The following PHACTR1 variants were observed in gnomAD, a reference collection of about 807,000 sequenced individuals.
The protein encoded by PHACTR1 is phosphatase and actin regulator 1.
Under a neutral mutation model 69.2 loss-of-function variants are expected in PHACTR1, and 16 were observed. That is an observed-to-expected ratio of 0.23 (90% confidence interval 0.16 to 0.35). PHACTR1 has a LOEUF of 0.35. Ranked by LOEUF, PHACTR1 falls within the 10% of genes least tolerant of loss-of-function variation. The pLI, the probability that PHACTR1 is intolerant of heterozygous loss-of-function variation, is 1.00. For synonymous variants in PHACTR1, 312 were observed against 284.5 expected (o/e 1.10, Z -0.97); for missense variants, 510 against 734.7 (o/e 0.69, Z 3.54).
At chr6:13,228,885 A>G (rs1770282454) in intron 9 of PHACTR1, among the ~76,000 whole-genome samples, 1 of 152,208 alleles carries the variant, frequency 6.6e-6, no homozygotes, top group South Asian at 2.1e-4. Context: ...TTCTAAAACT[A>G]GTGGAGGAAG....
chr6:12,967,650 C>G (rs997292621), intron 4 of PHACTR1, among the ~76,000 whole-genome samples: 5 of 152,104 alleles, frequency 3.3e-5, no homozygotes, highest in African/African-American at 1.2e-4. Flanking sequence ...ACAAAGAAAC[C>G]TAAGAAATCT....
At chr6:13,206,244 C>A in intron 8 of PHACTR1, 108 bp downstream of exon 8, 8 of 1,144,982 alleles carry the variant, frequency 7.0e-6, no homozygotes, top group Admixed American at 3.0e-5. Context: ...GTCATCCCCA[C>A]TGGGGGAAAA....
At chr6:13,124,633 A>G (rs1202166141) in intron 5 of PHACTR1, among the ~76,000 whole-genome samples, 3 of 152,234 alleles carry the variant, frequency 2.0e-5, no homozygotes, top group Non-Finnish European at 1.5e-5. Context: ...TTGCGCTGCC[A>G]TAACAAAATA....
At chr6:13,034,049 G>T (rs764594596) in intron 4 of PHACTR1, among the ~76,000 whole-genome samples, 1 of 150,484 alleles carries the variant, frequency 6.6e-6, no homozygotes, top group African/African-American at 2.4e-5. Context: ...ACGGAATCTC[G>T]CTGTCGCCCA....
intron 11 of PHACTR1, chr6:13,273,905 C>CCCCCCCCCCCCCCCCCCCCCCCCCCCCCA (rs1778306173): frequency 7.6e-6 from 1 of 131,994 alleles, no homozygotes; most frequent in Non-Finnish European, 1.6e-5. Flanking sequence ...TCCCCCGGCC[C>CCCCCCCCCCCCCCCCCCCCCCCCCCCCCA]CCCCGCCCCG....
intron 6 of PHACTR1, among the ~76,000 whole-genome samples, chr6:13,164,874 C>T (rs1759562354): frequency 6.6e-6 from 1 of 151,924 alleles, no homozygotes; most frequent in African/African-American, 2.4e-5. Context: ...AAAGTAATCT[C>T]AAATGTCGAC....
chr6:13,276,183 A>G (rs1512414), intron 11 of PHACTR1: 97,802 of 151,268 alleles, frequency 0.65, 33,397 homozygotes, highest in Non-Finnish European at 0.78. Context: ...AGGAAAGCAC[A>G]CTCATGGTGA....
chr6:13,240,658 G>T (rs557019915), intron 10 of PHACTR1, among the ~76,000 whole-genome samples: 47 of 152,144 alleles, frequency 3.1e-4, no homozygotes, highest in Admixed American at 3.0e-3. Context: ...TGTTGGTTGG[G>T]CTGGTCTCAA....
chr6:13,286,861 AG>A (rs1192838954), intron 14 of PHACTR1, among the ~76,000 whole-genome samples: 1 of 152,246 alleles, frequency 6.6e-6, no homozygotes, highest in Admixed American at 6.5e-5. Context: ...GGCTGATGGC[AG>A]GAGGTGGAGG....
chr6:12,974,627 A>T (rs749877621), intron 4 of PHACTR1, among the ~76,000 whole-genome samples: 3 of 152,196 alleles, frequency 2.0e-5, no homozygotes, highest in Non-Finnish European at 1.5e-5. Flanking sequence ...TGAAAACTCA[A>T]TTGGGTGACA....
intron 4 of PHACTR1, among the ~76,000 whole-genome samples, chr6:12,796,406 A>C (rs1773009494): frequency 6.6e-6 from 1 of 152,240 alleles, no homozygotes; most frequent in Admixed American, 6.5e-5. Context: ...CTGAACCAGC[A>C]GCAGTATTTA....
At chr6:12,953,272 G>A (rs187776328) in intron 4 of PHACTR1, among the ~76,000 whole-genome samples, 15 of 152,262 alleles carry the variant, frequency 9.9e-5, no homozygotes, top group Admixed American at 4.6e-4. Context: ...GCAGTGAGCC[G>A]AGATCGCGGC....
chr6:12,879,505 G>A (rs900404262), intron 4 of PHACTR1, among the ~76,000 whole-genome samples: 8 of 152,122 alleles, frequency 5.3e-5, no homozygotes, highest in Admixed American at 1.3e-4. Flanking sequence ...GAAGTAGCAG[G>A]TCTTGTCTTC....
chr6:13,199,050 G>A (rs1764825468), intron 7 of PHACTR1, among the ~76,000 whole-genome samples: 1 of 152,086 alleles, frequency 6.6e-6, no homozygotes, highest in Non-Finnish European at 1.5e-5. Context: ...CCGGGAATCT[G>A]CCTCTCCCAA....
At chr6:13,012,516 G>T (rs1285238207) in intron 4 of PHACTR1, among the ~76,000 whole-genome samples, 1 of 152,152 alleles carries the variant, frequency 6.6e-6, no homozygotes, top group African/African-American at 2.4e-5. Flanking sequence ...AATGCAGTAG[G>T]GTGGAAAGAA....
chr6:13,075,891 C>A (rs1364728031), intron 5 of PHACTR1, among the ~76,000 whole-genome samples: 1 of 152,068 alleles, frequency 6.6e-6, no homozygotes, highest in Non-Finnish European at 1.5e-5. Context: ...CAAGCTAGAT[C>A]CAAGTCCAGG....
At chr6:12,769,343 T>C (rs1266116657) in intron 4 of PHACTR1, among the ~76,000 whole-genome samples, 1 of 152,224 alleles carries the variant, frequency 6.6e-6, no homozygotes, top group Non-Finnish European at 1.5e-5. Context: ...TTATTATGTG[T>C]CAAGTATAAA....
chr6:13,002,433 C>T (rs1196749719), intron 4 of PHACTR1, among the ~76,000 whole-genome samples: 1 of 151,990 alleles, frequency 6.6e-6, no homozygotes, highest in African/African-American at 2.4e-5. Flanking sequence ...GTTAACAAAA[C>T]GTAGGAAAAA....
chr6:13,018,909 C>T (rs1223775614), intron 4 of PHACTR1, among the ~76,000 whole-genome samples: 3 of 152,038 alleles, frequency 2.0e-5, no homozygotes, highest in Admixed American at 2.0e-4. Flanking sequence ...GATAGGGTCT[C>T]ACTCTGTTGC....
Sources: allele counts gnomAD v4.1 joint callset (sites outside exome capture counted in the v4.1 genomes callset), GRCh38; gene constraint gnomAD v4.1.1; transcripts MANE v1.5; gene names NCBI Gene and HGNC (gene_info 2026-07-23, HGNC 2026-07-21).